ASXL3: variants seen among roughly 807,000 people sequenced by gnomAD.
The protein encoded by ASXL3 is ASXL transcriptional regulator 3.
ASXL3 carries 34 observed loss-of-function variants against 170.6 expected under a neutral mutation model. The observed-to-expected ratio is 0.20, with a 90% CI of 0.15 to 0.27. The LOEUF is 0.27. Among genes scored for constraint, ASXL3 ranks in the 10% least tolerant of loss-of-function variants. The pLI is 1.00. For synonymous variants in ASXL3, 1,002 were observed against 989.1 expected (o/e 1.01, Z -0.24); for missense variants, 2,592 against 2,695.3 (o/e 0.96, Z 0.85).
intron 8 of ASXL3, 183 bp downstream of exon 8, chr18:33,683,751 G>T (rs2066550064): frequency 3.5e-6 from 2 of 572,704 alleles, no homozygotes; most frequent in Non-Finnish European, 5.5e-6. Flanking sequence ...TCTTAATAGT[G>T]AGCCAATTCA....
intron 2 of ASXL3, among the ~76,000 whole-genome samples, chr18:33,621,710 G>A (rs550000756): frequency 7.9e-5 from 12 of 152,212 alleles, no homozygotes; most frequent in Non-Finnish European, 1.2e-4. Context: ...AGCCAATGAC[G>A]ACCTCGCAGA....
chr18:33,594,212 C>T (rs984814357), intron 1 of ASXL3, among the ~76,000 whole-genome samples: 1 of 152,158 alleles, frequency 6.6e-6, no homozygotes, highest in Non-Finnish European at 1.5e-5. Flanking sequence ...TGCTGAATGG[C>T]AACCTCTGGG....
intron 2 of ASXL3, among the ~76,000 whole-genome samples, chr18:33,633,548 T>C (rs2065714179): frequency 6.6e-6 from 1 of 152,106 alleles, no homozygotes. Flanking sequence ...GAATATACAC[T>C]TGTAAAAAAT....
chr18:33,627,893 A>C (rs902868106), intron 2 of ASXL3, among the ~76,000 whole-genome samples: 2 of 152,274 alleles, frequency 1.3e-5, no homozygotes. Context: ...ATTTTCCTTT[A>C]GACTAATGAA....
chr18:33,607,787 C>T (rs936367937), intron 2 of ASXL3, 111 bp downstream of exon 2: 1 of 810,932 alleles, frequency 1.2e-6, no homozygotes, highest in African/African-American at 1.8e-5. Context: ...TGTGAATTAA[C>T]TCCCCACAAA....
rs1415661684 is a variant in ASXL3 at position 33,665,863 on chromosome 18, G to C, written c.477+4126G>C. Among the ~76,000 whole-genome samples the C allele has an allele frequency of 2.6e-5, 4 of 152,226 alleles. No homozygotes were observed. The East Asian group carries it at 5.8e-4, about 22-fold the overall frequency. On this transcript the variant is annotated intron_variant, in intron 5 of 11. Transcript: ENST00000269197. ...TTTCCTTGCACTTAGAGCCAGAATT[G>C]AATTGATGTGAGTGTGATATGATCT... is the stretch of plus-strand genomic sequence containing the variant.
At chr18:33,634,132 A>G (rs1352262030) in intron 2 of ASXL3, among the ~76,000 whole-genome samples, 2 of 152,150 alleles carry the variant, frequency 1.3e-5, no homozygotes, top group African/African-American at 4.8e-5. Flanking sequence ...GTACTTTTGC[A>G]CTTTCCATGT....
At chr18:33,687,991 T>G (rs1170888722) in intron 8 of ASXL3, among the ~76,000 whole-genome samples, 1 of 152,202 alleles carries the variant, frequency 6.6e-6, no homozygotes, top group Non-Finnish European at 1.5e-5. Context: ...CTTGTTGACA[T>G]TTTCTAAACC....
chr18:33,583,974 A>G (rs1351465376), intron 1 of ASXL3, among the ~76,000 whole-genome samples: 4 of 152,202 alleles, frequency 2.6e-5, no homozygotes, highest in Non-Finnish European at 4.4e-5. Context: ...GAGGAACAAG[A>G]AAAAGTGGAG....
Position 33,745,904 on chromosome 18 carries a change from C to G in ASXL3, c.6056C>G (p.Pro2019Arg), listed in dbSNP as rs777742703. 18 of 1,608,454 alleles carry G rather than the reference C, an allele frequency of 1.1e-5. No homozygotes were observed. The highest frequency in any genetic ancestry group is 1.4e-5 in the Non-Finnish European group (17 of 1,178,640). The change falls in exon 12 of 12, where the codon CCG (proline) becomes CGG (arginine). Residue 2019 changes from proline to arginine, a missense_variant. Physicochemically the swap from Pro to Arg is moderately radical, Grantham distance 103. Around this residue, in one of 4 missense-constraint regions of ASXL3, gnomAD observed 2,246 missense variants for 2,219.6 expected, o/e 1.01. Coordinates refer to ENST00000269197, the MANE Select transcript of ASXL3 (RefSeq NM_030632.3). Reference protein sequence around the residue: ...MPNKALVHPPPPPPPPPPPPL... With the variant: ...MPNKALVHPPRPPPPPPPPPL... ...AACAAAGCACTAGTACATCCGCCGC[C>G]GCCACCGCCTCCCCCTCCCCCTCCA...
At chr18:33,611,936 T>C (rs892484566) in intron 2 of ASXL3, among the ~76,000 whole-genome samples, 1 of 151,964 alleles carries the variant, frequency 6.6e-6, no homozygotes, top group African/African-American at 2.4e-5. Context: ...AAAGTGGTGC[T>C]TCCAAAGAAA....
intron 8 of ASXL3, among the ~76,000 whole-genome samples, chr18:33,703,990 T>C (rs2066919787): frequency 6.6e-6 from 1 of 152,132 alleles, no homozygotes; most frequent in African/African-American, 2.4e-5. Context: ...TTATGTAACT[T>C]TTTTATATGG....
At chr18:33,709,363 C>T (rs1432132162) in intron 8 of ASXL3, among the ~76,000 whole-genome samples, 1 of 149,860 alleles carries the variant, frequency 6.7e-6, no homozygotes, top group African/African-American at 2.4e-5. Flanking sequence ...TCACAATAGC[C>T]AAAACTTGGA....
Position 33,738,725 on chromosome 18 carries a change from G to C in ASXL3, c.1321G>C (p.Asp441His). 6.2e-7 allele frequency: 1 copy of C among 1,613,932 alleles called. No homozygotes were observed. The highest frequency in any genetic ancestry group is 8.5e-7 in the Non-Finnish European group (1 of 1,179,874). ...KDIMAELESE[D>H]ILIPEESVIQ... ...TATAATGGCAGAATTGGAGTCAGAG[G>C]ATATCTTGATCCCTGAAGAATCTGT... The change falls in exon 11 of 12, where the codon GAT (aspartate) becomes CAT (histidine). Residue 441 changes from aspartate (D) to histidine (H), a missense_variant. Asp to His is a moderately conservative substitution (Grantham distance 81). Around this residue, in one of 4 missense-constraint regions of ASXL3, gnomAD observed 2,246 missense variants for 2,219.6 expected, o/e 1.01. Transcript: ENST00000269197.
At chr18:33,718,270 A>G (rs187438691) in intron 8 of ASXL3, among the ~76,000 whole-genome samples, 2 of 152,250 alleles carry the variant, frequency 1.3e-5, no homozygotes, top group East Asian at 3.9e-4. Context: ...TGTATCCCAT[A>G]GACCCATATC....
intron 1 of ASXL3, among the ~76,000 whole-genome samples, chr18:33,593,481 A>G (rs148619875): frequency 5.5e-4 from 84 of 151,768 alleles, no homozygotes; most frequent in African/African-American, 1.8e-3. Context: ...ATTGAGCCCA[A>G]CCCCTTCATG....
intron 1 of ASXL3, among the ~76,000 whole-genome samples, chr18:33,606,317 A>G (rs1010487295): frequency 1.3e-5 from 2 of 151,488 alleles, no homozygotes; most frequent in African/African-American, 4.9e-5. Context: ...ATATTTCTGT[A>G]TTCTTTTAAT....
intron 9 of ASXL3, among the ~76,000 whole-genome samples, chr18:33,732,985 G>C (rs533558263): frequency 6.6e-6 from 1 of 151,726 alleles, no homozygotes; most frequent in Non-Finnish European, 1.5e-5. Context: ...AACCATCTAC[G>C]TTAGATTTTA....
rs1034226660 is a variant in ASXL3, at chr18:33,657,256, T to A, written c.356-4360T>A. On this transcript the variant is annotated intron_variant, in intron 4 of 11. Transcript: ENST00000269197. ...GAAAGGATATTTGGAGGAGGGACAA[T>A]CAGACCAAGTACAACAAACACAGCA... Among the ~76,000 whole-genome samples the A allele has an allele frequency of 2.6e-5, 4 of 152,116 alleles. No individual in the cohort carries two copies. The South Asian group carries it at 6.2e-4, about 24-fold the overall frequency.
Sources: allele counts gnomAD v4.1 joint callset (sites outside exome capture counted in the v4.1 genomes callset), GRCh38; gene constraint gnomAD v4.1.1; regional missense constraint gnomAD v4.1.1; transcripts MANE v1.5; gene names NCBI Gene and HGNC (gene_info 2026-07-23, HGNC 2026-07-21).